Variants in LETM1 observed in about 807,000 individuals in gnomAD.
The protein encoded by LETM1 is mitochondrial proton/calcium exchanger protein.
A neutral mutation model predicts 74.5 loss-of-function variants in LETM1; 50 were observed. The ratio of observed to expected loss-of-function variants is 0.67; its 90% confidence interval spans 0.53 to 0.85. The LOEUF (loss-of-function observed/expected upper bound fraction) is 0.85, where lower values mean the gene tolerates loss of function less well. Ranked by LOEUF, LETM1 falls within the 40% of genes least tolerant of loss-of-function variation. LETM1 has a pLI of 0.00. For missense variants in LETM1, 824 were observed against 967.8 expected, an observed-to-expected ratio of 0.85 and a Z score of 1.97; for synonymous variants, 446 against 407.1, an observed-to-expected ratio of 1.10 and a Z score of -1.15.
intron 3 of LETM1, among the ~76,000 whole-genome samples, chr4:1,839,120 AAGAC>A (rs1477086220): frequency 4.6e-5 from 7 of 152,178 alleles, no homozygotes; most frequent in Admixed American, 2.0e-4. Context: ...CCCTGAAACA[AAGAC>A]AGAAAATGGA....
intron 2 of LETM1, among the ~76,000 whole-genome samples, chr4:1,845,341 C>T (rs1159365610): frequency 6.6e-6 from 1 of 152,098 alleles, no homozygotes; most frequent in Non-Finnish European, 1.5e-5. Flanking sequence ...CTACAAGGCT[C>T]ACACCTGTAA....
At chr4:1,848,276 C>T (rs1712949894) in intron 2 of LETM1, among the ~76,000 whole-genome samples, 2 of 151,796 alleles carry the variant, frequency 1.3e-5, no homozygotes, top group Non-Finnish European at 2.9e-5. Flanking sequence ...CGGCCGGACG[C>T]GGTGGCTCAT....
At chr4:1,819,969 A>G (rs1711718443) in intron 10 of LETM1, among the ~76,000 whole-genome samples, 1 of 152,038 alleles carries the variant, frequency 6.6e-6, no homozygotes, top group Non-Finnish European at 1.5e-5. Context: ...ACAGGGTCTC[A>G]CTCTGTTGCC....
At position 1,835,262 on chromosome 4, in the gene LETM1, C is replaced by G. The variant is rs559866420; in HGVS notation, c.739-280G>C. Reference sequence around the variant, plus strand: ...GAGTTTGAGACCAGCCTGGCCAACACGGTGAAACCCCGTCTCTACTAAAAA... The same window carrying G: ...GAGTTTGAGACCAGCCTGGCCAACAGGGTGAAACCCCGTCTCTACTAAAAA... On this transcript the variant is annotated intron_variant, in intron 4 of 13. Coordinates refer to ENST00000302787, the MANE Select transcript of LETM1 (RefSeq NM_012318.3). Among the ~76,000 whole-genome samples the G allele has an allele frequency of 7.5e-4, 114 of 151,982 alleles. 1 individual carries two copies. The highest frequency in any genetic ancestry group is 2.6e-3 in the African/African-American group (109 of 41,470).
At chr4:1,837,583 A>T (rs1377657618) in intron 3 of LETM1, among the ~76,000 whole-genome samples, 1 of 151,938 alleles carries the variant, frequency 6.6e-6, no homozygotes, top group African/African-American at 2.4e-5. Flanking sequence ...TAATTTTTTT[A>T]GCAGTTCTAC....
intron 3 of LETM1, 122 bp downstream of exon 3, chr4:1,841,225 G>C (rs1712675796): frequency 4.8e-6 from 4 of 837,598 alleles, no homozygotes; most frequent in Non-Finnish European, 7.4e-6. Context: ...CATGCCTGTG[G>C]TCCCAGATAC....
chr4:1,834,577 T>G lies in LETM1; in HGVS notation c.876+268A>C. On this transcript the variant is annotated intron_variant, in intron 5 of 13. Coordinates refer to ENST00000302787, the MANE Select transcript of LETM1 (RefSeq NM_012318.3). The surrounding 1 kb of genome is among the most constrained non-coding windows in gnomAD (Gnocchi z 5.0). ...AGGCTCCTCATGGGTCAGATTCTAC[T>G]GCTCCTGGACAGCTGCAGGGTGATG... 6.4e-6 allele frequency: 8 copies of G among 1,254,692 alleles called. No homozygotes were observed. Among genetic ancestry groups the G allele is most frequent in the Non-Finnish European group, 8.1e-6 (8 of 993,452 alleles). The allele number at this position is 1,254,692 out of a possible 1,614,324, so 77.7% of individuals were successfully genotyped here. A position where few individuals can be genotyped will look rare whatever the true frequency, so the allele number is the denominator to read the frequency against.
At chr4:1,832,536 A>C (rs531674631) in intron 6 of LETM1, among the ~76,000 whole-genome samples, 3 of 152,326 alleles carry the variant, frequency 2.0e-5, no homozygotes, top group Admixed American at 6.5e-5. Context: ...GACGAAATCC[A>C]AACAGAGAGA....
At chr4:1,841,217 TGC>T in intron 3 of LETM1, 128 bp downstream of exon 3, 5 of 776,384 alleles carry the variant, frequency 6.4e-6, no homozygotes, top group Admixed American at 5.6e-5. Context: ...TGGTGGCACA[TGC>T]CTGTGGTCCC....
At chr4:1,823,870 A>G in intron 7 of LETM1, 95 bp from the exon 8 acceptor site, 2 of 1,358,022 alleles carry the variant, frequency 1.5e-6, no homozygotes, top group Non-Finnish European at 2.0e-6. Flanking sequence ...TAGCTCTCAG[A>G]GAAGACAGTG....
At chr4:1,833,924 G>A (rs138457198) in intron 5 of LETM1, 2,260 of 152,452 alleles carry the variant, frequency 0.015, 24 homozygotes, top group Middle Eastern at 0.071. Flanking sequence ...AGGTTGGGAC[G>A]GGCCCCTCCT....
rs1211195002 is a variant in LETM1 at position 1,814,393 on chromosome 4, A to G, written c.*31T>C. 3 of 1,613,854 alleles carry G rather than the reference A, an allele frequency of 1.9e-6. No individual in the cohort carries two copies. Among genetic ancestry groups the G allele is most frequent in the African/African-American group, 1.3e-5 (1 of 74,964 alleles). On this transcript the variant is annotated 3_prime_UTR_variant, in exon 14 of 14. Coordinates refer to ENST00000302787, the MANE Select transcript of LETM1 (RefSeq NM_012318.3). ...ACGGCCCTTGCCAGGGTGACGGCAC[A>G]GCAGGAGGACAGGTGCCCAGGCCAG...
At chr4:1,824,433 G>A (rs952237675) in intron 7 of LETM1, among the ~76,000 whole-genome samples, 1 of 152,214 alleles carries the variant, frequency 6.6e-6, no homozygotes, top group Non-Finnish European at 1.5e-5. Flanking sequence ...CAGGTTCCGG[G>A]GCTGGCTGCT....
intron 3 of LETM1, among the ~76,000 whole-genome samples, chr4:1,838,298 C>G (rs1469413966): frequency 6.6e-6 from 1 of 152,024 alleles, no homozygotes; most frequent in Non-Finnish European, 1.5e-5. Context: ...CAGGGTTTCA[C>G]CGTGTTGGCC....
At chr4:1,823,594 G>A (rs371315413) in intron 8 of LETM1, 50 bp downstream of exon 8, 61 of 1,607,562 alleles carry the variant, frequency 3.8e-5, no homozygotes, top group African/African-American at 8.0e-5. Flanking sequence ...CCAGAAGAGC[G>A]GAGCCACCTA....
intron 6 of LETM1, among the ~76,000 whole-genome samples, chr4:1,827,784 G>A (rs1252535466): frequency 4.0e-5 from 6 of 149,466 alleles, no homozygotes; most frequent in South Asian, 2.1e-4. Flanking sequence ...ATCCTGGCCC[G>A]TTCTCAATGA....
rs1711847729 is a variant in LETM1, at chr4:1,823,136, A to G, written c.1333-5T>C. ...TTTCACCTGTGCTTCCTTTGCCTTC[A>G]GAAGAGGGTACATCTGTGGGTGAGC... On this transcript the variant is annotated splice_polypyrimidine_tract_variant and splice_region_variant and intron_variant, in intron 8 of 13. Transcript: ENST00000302787. 1 of 1,585,234 alleles carries G rather than the reference A, an allele frequency of 6.3e-7. No homozygotes were observed. Among genetic ancestry groups the G allele is most frequent in the South Asian group, 1.1e-5 (1 of 87,852 alleles).
At chr4:1,828,154 C>A (rs1712077867) in intron 6 of LETM1, among the ~76,000 whole-genome samples, 1 of 118,962 alleles carries the variant, frequency 8.4e-6, no homozygotes, top group African/African-American at 3.2e-5. Flanking sequence ...GGGCTCCTCA[C>A]TTCCCAGTAG....
chr4:1,822,110 G>A, intron 10 of LETM1, 71 bp downstream of exon 10: 1 of 1,326,126 alleles, frequency 7.5e-7, no homozygotes, highest in South Asian at 2.4e-5. Flanking sequence ...CCCCATCCCT[G>A]CCCCACAACT....
Sources: allele counts gnomAD v4.1 joint callset (sites outside exome capture counted in the v4.1 genomes callset), GRCh38; gene constraint gnomAD v4.1.1; non-coding constraint Gnocchi (gnomAD v3.1); transcripts MANE v1.5; gene names NCBI Gene and HGNC (gene_info 2026-07-23, HGNC 2026-07-21).